The following RBFOX1 variants were observed in gnomAD, a reference collection of about 807,000 sequenced individuals.
RBFOX1 encodes the protein RNA binding protein fox-1 homolog 1.
In RBFOX1, 8 loss-of-function variants were observed where a neutral mutation model predicts 57.7. The observed-to-expected ratio is 0.14, with a 90% CI of 0.08 to 0.25. The LOEUF is 0.25. Ranked by LOEUF, RBFOX1 falls within the 10% of genes least tolerant of loss-of-function variation. The probability of loss-of-function intolerance (pLI) is 1.00; values close to 1 mark genes in which losing one functional copy is unlikely to be tolerated. For synonymous variants in RBFOX1, 326 were observed against 222.4 expected (o/e 1.47, Z -4.15); for missense variants, 611 against 548.5 (o/e 1.11, Z -1.14).
In RBFOX1 at chr16:6,266,335, A is replaced by G. The variant is rs78744895; in HGVS notation, c.-126-50660A>G. On this transcript the variant is annotated intron_variant, in intron 1 of 15. Transcript: ENST00000550418. The stretch of plus-strand genomic sequence containing the variant: ...TGCAGCGTCTAGCCCATCCTGAATG[A>G]TATTCCGTTGTGTCTCAGAAGCCAT... 8.9e-4 allele frequency among the ~76,000 whole-genome samples: 136 copies of G among 152,338 alleles called. 2 individuals are homozygous for G. In the East Asian group the frequency reaches 0.023, roughly 26 times the overall value.
At chr16:7,105,785 T>TATAG (rs2063480115) in intron 4 of RBFOX1, among the ~76,000 whole-genome samples, 1 of 146,988 alleles carries the variant, frequency 6.8e-6, no homozygotes, top group Non-Finnish European at 1.5e-5. Context: ...TAGATGTATA[T>TATAG]AGAGATAGAT....
At chr16:6,054,604 C>A (rs148127330) in intron 1 of RBFOX1, among the ~76,000 whole-genome samples, 1 of 152,054 alleles carries the variant, frequency 6.6e-6, no homozygotes, top group Non-Finnish European at 1.5e-5. Flanking sequence ...GAGGTGCAAA[C>A]TGGAGAAAAA....
At chr16:5,543,500 A>G (rs531798040) in intron 2 of RBFOX1, among the ~76,000 whole-genome samples, 2 of 152,214 alleles carry the variant, frequency 1.3e-5, no homozygotes, top group African/African-American at 2.4e-5. Flanking sequence ...CACATAGAGA[A>G]CAATAATAAT....
At chr16:6,003,717 A>G (rs1372601375) in intron 4 of RBFOX1, among the ~76,000 whole-genome samples, 1 of 152,190 alleles carries the variant, frequency 6.6e-6, no homozygotes, top group Non-Finnish European at 1.5e-5. Flanking sequence ...GTTCTTTAAC[A>G]TCTCTTGGGT....
chr16:7,050,447 G>A (rs1325094667), intron 3 of RBFOX1, among the ~76,000 whole-genome samples: 2 of 151,922 alleles, frequency 1.3e-5, no homozygotes, highest in South Asian at 2.1e-4. Flanking sequence ...TGTATTTTTA[G>A]TAGAGAAGAG....
chr16:6,437,974 A>G (rs892760560), intron 2 of RBFOX1, among the ~76,000 whole-genome samples: 1 of 152,148 alleles, frequency 6.6e-6, no homozygotes. Context: ...CTGATGGGAC[A>G]AGGAAACTGC....
At chr16:6,142,249 T>C (rs2096723351) in intron 1 of RBFOX1, among the ~76,000 whole-genome samples, 1 of 116,072 alleles carries the variant, frequency 8.6e-6, no homozygotes, top group African/African-American at 3.4e-5. Context: ...GGAGACGGAG[T>C]CTTGCTCTGT....
rs1459137937 is a variant in RBFOX1 at position 6,562,870 on chromosome 16, TTCTTTCTTTC to T, written c.-63-91731_-63-91722del. Among the ~76,000 whole-genome samples, 99 of 64,778 alleles carry T rather than the reference TTCTTTCTTTC, an allele frequency of 1.5e-3. 3 individuals carry two copies. Among genetic ancestry groups the T allele is most frequent in the Middle Eastern group, 8.3e-3 (1 of 120 alleles). 42.5% of individuals were successfully genotyped at this position (64,778 alleles called of 152,430 possible). ...TTTCTTTCTTTCTTTCTTTCTTTCTTTCTTTCTTTCTTTTTTTTTTTTTTTTTTGCATAGT... is the reference window on the plus strand; with the variant it reads ...TTTCTTTCTTTCTTTCTTTCTTTCTTTTTTTTTTTTTTTTTTTTGCATAGT... On this transcript the variant is annotated intron_variant, in intron 2 of 15. Transcript: ENST00000550418.
intron 3 of RBFOX1, among the ~76,000 whole-genome samples, chr16:5,776,914 C>T (rs1490345482): frequency 2.0e-5 from 3 of 152,094 alleles, no homozygotes; most frequent in South Asian, 4.2e-4. Flanking sequence ...CTACTGAGCA[C>T]GTGAAATATG....
At chr16:5,609,136 A>AGG (rs1260342187) in intron 3 of RBFOX1, among the ~76,000 whole-genome samples, 5 of 152,228 alleles carry the variant, frequency 3.3e-5, no homozygotes, top group African/African-American at 7.2e-5. Context: ...TATTGGAGGG[A>AGG]GGGGAGAGGG....
chr16:6,885,861 T>G (rs1447649491), intron 3 of RBFOX1, among the ~76,000 whole-genome samples: 1 of 152,128 alleles, frequency 6.6e-6, no homozygotes, highest in African/African-American at 2.4e-5. Flanking sequence ...TTAGAGAAAT[T>G]CTAGAAATGG....
At chr16:7,550,177 C>T (rs180805855) in intron 5 of RBFOX1, among the ~76,000 whole-genome samples, 55 of 152,246 alleles carry the variant, frequency 3.6e-4, no homozygotes, top group African/African-American at 1.3e-3. Flanking sequence ...GCAATTCTCC[C>T]TCCTCGGCCT....
At chr16:6,978,694 C>G (rs913944443) in intron 3 of RBFOX1, among the ~76,000 whole-genome samples, 1 of 152,108 alleles carries the variant, frequency 6.6e-6, no homozygotes, top group African/African-American at 2.4e-5. Flanking sequence ...TGAGGTTTTG[C>G]CAATGTAATC....
At chr16:6,777,283 A>G (rs1366641838) in intron 3 of RBFOX1, among the ~76,000 whole-genome samples, 1 of 152,166 alleles carries the variant, frequency 6.6e-6, no homozygotes, top group African/African-American at 2.4e-5. Context: ...TTTGTAATGG[A>G]GTAATTGATT....
intron 4 of RBFOX1, among the ~76,000 whole-genome samples, chr16:7,278,319 C>T (rs1351602618): frequency 6.6e-6 from 1 of 152,120 alleles, no homozygotes; most frequent in Non-Finnish European, 1.5e-5. Flanking sequence ...GAGATCAAAC[C>T]TCCTTCAGTG....
chr16:7,416,088 AG>A (rs776233831), intron 4 of RBFOX1, among the ~76,000 whole-genome samples: 12 of 152,080 alleles, frequency 7.9e-5, no homozygotes, highest in Admixed American at 3.3e-4. Context: ...TTAAACCTCC[AG>A]CCCCCCAATC....
At chr16:5,771,590 G>A (rs1194913441) in intron 3 of RBFOX1, among the ~76,000 whole-genome samples, 1 of 152,070 alleles carries the variant, frequency 6.6e-6, no homozygotes, top group African/African-American at 2.4e-5. Context: ...TGTATTTTTA[G>A]CAGAGATGGG....
rs188154117 is a variant in RBFOX1 at position 5,760,775 on chromosome 16, C to T, written c.319-106528C>T. Among the ~76,000 whole-genome samples, 49 of 152,096 alleles carry T rather than the reference C, an allele frequency of 3.2e-4. No individual in the cohort carries two copies. In the East Asian group the frequency reaches 8.9e-3, roughly 28 times the overall value. On this transcript the variant is annotated intron_variant, in intron 3 of 19. Transcript: ENST00000641259. ...ATGACAAAAACCGCAGTTACTTTTG[C>T]ACCAACCAAAAAGAATAGGTAAATC...
At chr16:7,446,130 C>CCAGAGAAGGAGAGAAG (rs2098805761) in intron 4 of RBFOX1, among the ~76,000 whole-genome samples, 1 of 152,154 alleles carries the variant, frequency 6.6e-6, no homozygotes, top group African/African-American at 2.4e-5. Context: ...TGTGAAATGA[C>CCAGAGAAGGAGAGAAG]TAATTAACAC....
Sources: allele counts gnomAD v4.1 joint callset (sites outside exome capture counted in the v4.1 genomes callset), GRCh38; gene constraint gnomAD v4.1.1; transcripts MANE v1.5; gene names NCBI Gene and HGNC (gene_info 2026-07-23, HGNC 2026-07-21).